The following DPP10 variants were observed in gnomAD, a reference collection of about 807,000 sequenced individuals.
DPP10 encodes inactive dipeptidyl peptidase 10.
Under a neutral mutation model 120.9 loss-of-function variants are expected in DPP10, and 33 were observed. That is an observed-to-expected ratio of 0.27 (90% CI 0.21 to 0.37). The LOEUF is 0.37. Among genes scored for constraint, DPP10 ranks in the 10% least tolerant of loss-of-function variants. DPP10 has a pLI of 1.00. For synonymous variants in DPP10, 337 were observed against 326.1 expected (o/e 1.03, Z -0.36); for missense variants, 816 against 942.8 (o/e 0.87, Z 1.76).
At chr2:114,860,664 C>T (rs1279635622) in intron 1 of DPP10, among the ~76,000 whole-genome samples, 1 of 152,108 alleles carries the variant, frequency 6.6e-6, no homozygotes, top group Non-Finnish European at 1.5e-5. Context: ...TTTAACTTCG[C>T]CTGCATAATG....
At chr2:115,107,553 G>A (rs1029920396) in intron 1 of DPP10, among the ~76,000 whole-genome samples, 1 of 146,832 alleles carries the variant, frequency 6.8e-6, no homozygotes, top group Non-Finnish European at 1.5e-5. Context: ...TTTAAACAAT[G>A]ACTCAGATTA....
At position 115,390,239 on chromosome 2, in the gene DPP10, C is replaced by T. The variant is rs553370496; in HGVS notation, c.271+46327C>T. 1.4e-4 allele frequency among the ~76,000 whole-genome samples: 22 copies of T among 152,322 alleles called. No homozygotes were observed. The South Asian group carries it at 4.1e-3, about 29-fold the overall frequency. On this transcript the variant is annotated intron_variant, in intron 3 of 25. Transcript: ENST00000410059. ...GTTTGTGTTTATGTGCCCAGAAATGCTTGTTGACTACACACAAACACCATG... is the reference window on the plus strand; with the variant it reads ...GTTTGTGTTTATGTGCCCAGAAATGTTTGTTGACTACACACAAACACCATG...
At chr2:114,693,009 G>A (rs1379404702) in intron 1 of DPP10, among the ~76,000 whole-genome samples, 2 of 152,008 alleles carry the variant, frequency 1.3e-5, no homozygotes, top group Non-Finnish European at 2.9e-5. Context: ...ACAGCATAGT[G>A]ATGGGTCTTG....
intron 1 of DPP10, among the ~76,000 whole-genome samples, chr2:114,649,355 T>C (rs6755687): frequency 1.7e-4 from 26 of 148,956 alleles, no homozygotes; most frequent in African/African-American, 5.6e-4. Flanking sequence ...ATTTTTTTTT[T>C]CTTTTTTTTT....
At position 115,260,154 on chromosome 2, in the gene DPP10, T is replaced by C. The variant is rs144868282; in HGVS notation, c.61-49085T>C. ...TGTATTTATTACACATTCTATATTA[T>C]ATTATATATACATTAATTATGATAT... On this transcript the variant is annotated intron_variant, in intron 1 of 25. Coordinates refer to ENST00000410059, the MANE Select transcript of DPP10 (RefSeq NM_020868.6). Among the ~76,000 whole-genome samples, 689 of 150,702 alleles carry C rather than the reference T, an allele frequency of 4.6e-3. 9 individuals are homozygous for C. Among genetic ancestry groups the C allele is most frequent in the African/African-American group, 0.016 (663 of 41,262 alleles).
intron 1 of DPP10, among the ~76,000 whole-genome samples, chr2:114,752,504 C>T (rs1371482095): frequency 6.6e-6 from 1 of 152,186 alleles, no homozygotes; most frequent in East Asian, 1.9e-4. Flanking sequence ...TGCCTGGTCT[C>T]AGACTAAGGC....
intron 5 of DPP10, among the ~76,000 whole-genome samples, chr2:115,545,880 A>G (rs1311063536): frequency 2.0e-5 from 3 of 152,038 alleles, no homozygotes; most frequent in African/African-American, 7.2e-5. Context: ...TCTCTTGTGC[A>G]CCCTCTGACC....
intron 1 of DPP10, among the ~76,000 whole-genome samples, chr2:114,687,102 C>T (rs1293572389): frequency 6.6e-6 from 1 of 151,938 alleles, no homozygotes; most frequent in Admixed American, 6.6e-5. Flanking sequence ...ACAGTGGAAT[C>T]CCCATATATC....
intron 3 of DPP10, among the ~76,000 whole-genome samples, chr2:115,358,488 C>T (rs2064553408): frequency 6.6e-6 from 1 of 152,154 alleles, no homozygotes; most frequent in Non-Finnish European, 1.5e-5. Flanking sequence ...AACTTTCTCA[C>T]ATCTGTCTGT....
At chr2:115,382,462 A>C (rs1054762593) in intron 3 of DPP10, among the ~76,000 whole-genome samples, 2 of 152,156 alleles carry the variant, frequency 1.3e-5, no homozygotes, top group Admixed American at 1.3e-4. Context: ...ACTGTCTGGC[A>C]CTTCCTATTG....
chr2:114,892,521 A>G (rs1024435923), intron 1 of DPP10, among the ~76,000 whole-genome samples: 3 of 152,234 alleles, frequency 2.0e-5, no homozygotes, highest in African/African-American at 7.2e-5. Flanking sequence ...CTGAAACTAC[A>G]CAAAGGATCT....
chr2:115,215,370 A>G (rs970060022), intron 1 of DPP10, among the ~76,000 whole-genome samples: 6 of 152,322 alleles, frequency 3.9e-5, no homozygotes, highest in South Asian at 4.1e-4. Context: ...TAACACCAAA[A>G]AAGAAAAAAT....
chr2:114,581,173 C>CTTTTTTTTT (rs70937291), intron 1 of DPP10, among the ~76,000 whole-genome samples: 2 of 77,894 alleles, frequency 2.6e-5, no homozygotes, highest in African/African-American at 5.1e-5. Context: ...TTTTTCTTCT[C>CTTTTTTTTT]TTTTTTTTTT....
At position 115,459,160 on chromosome 2, in the gene DPP10, A is replaced by AT. The variant is rs749048365; in HGVS notation, c.272-40335dup. Among the ~76,000 whole-genome samples the AT allele has an allele frequency of 6.0e-3, 844 of 141,052 alleles. 4 individuals are homozygous for AT. Among genetic ancestry groups the AT allele is most frequent in the Middle Eastern group, 0.011 (3 of 274 alleles). 92.5% of individuals were successfully genotyped at this position (141,052 alleles called of 152,430 possible). On this transcript the variant is annotated intron_variant, in intron 3 of 25. Coordinates refer to ENST00000410059, the MANE Select transcript of DPP10 (RefSeq NM_020868.6). ...AGTCAGTTTTCATCTTGTGAGTTTG[A>AT]TTTTTTTTTTTTTTTAGTCTGGGTC...
chr2:115,163,283 T>C (rs144290650), intron 1 of DPP10, among the ~76,000 whole-genome samples: 13 of 152,270 alleles, frequency 8.5e-5, no homozygotes, highest in Non-Finnish European at 1.8e-4. Flanking sequence ...GATGCTGTTA[T>C]TAATATTGCA....
rs563221546 is a variant in DPP10, at chr2:115,381,250, A to G, written c.271+37338A>G. Among the ~76,000 whole-genome samples the G allele has an allele frequency of 5.3e-5, 8 of 152,108 alleles. No individual in the cohort carries two copies. The East Asian group carries it at 1.4e-3, about 26-fold the overall frequency. On this transcript the variant is annotated intron_variant, in intron 3 of 25. Coordinates refer to ENST00000410059, the MANE Select transcript of DPP10 (RefSeq NM_020868.6). ...CATATTTCTTGGAGGCTTTGCTCGT[A>G]TCTTTTTATTCTTTTTTCTCTAAGC... is the stretch of plus-strand genomic sequence containing the variant.
intron 1 of DPP10, chr2:115,234,650 A>T (rs2057906943): frequency 6.6e-6 from 1 of 152,184 alleles, no homozygotes; most frequent in Admixed American, 6.6e-5. Flanking sequence ...GTAGCTGTGT[A>T]TGCATGCACT....
intron 1 of DPP10, among the ~76,000 whole-genome samples, chr2:115,239,279 C>T (rs1465723826): frequency 1.3e-5 from 2 of 152,152 alleles, no homozygotes; most frequent in African/African-American, 4.8e-5. Context: ...GAAAGAAGTT[C>T]AACTGTGGGA....
In DPP10 at chr2:115,836,508, C is replaced by A. The variant is rs188546190; in HGVS notation, c.2052C>A (p.Ala684=). The change falls in exon 23 of 26, where the codon GCC becomes GCA. Residue 684 remains alanine, a splice_region_variant and synonymous_variant. Transcript: ENST00000410059. ...VAPITDLKLY[A]SAFSERYLGM... is the part of the protein sequence containing the mutation. ...AATGTCTGTTTTCTTGGGTCACAGC[C>A]TCAGCTTTCTCTGAAAGATACCTTG... 2 of 1,613,340 alleles carry A rather than the reference C, an allele frequency of 1.2e-6. No individual in the cohort carries two copies. Among genetic ancestry groups the A allele is most frequent in the African/African-American group, 2.7e-5 (2 of 74,980 alleles).
Sources: gnomAD v4.1 joint callset for allele counts (sites outside exome capture counted in the v4.1 genomes callset) on GRCh38, gnomAD v4.1.1 for gene constraint, MANE v1.5 for transcripts, NCBI Gene and HGNC (gene_info 2026-07-23, HGNC 2026-07-21) for gene names.